FHL3: variants seen among roughly 807,000 people sequenced by gnomAD.
FHL3 encodes the protein four and a half LIM domains 3.
Under a neutral mutation model 34.3 loss-of-function variants are expected in FHL3, and 21 were observed. That is an observed-to-expected ratio of 0.61 (90% confidence interval 0.43 to 0.88). The LOEUF is 0.88. FHL3 is among the 40% of genes least tolerant of loss of function. The probability of loss-of-function intolerance (pLI) is 0.00; values close to 1 mark genes in which losing one functional copy is unlikely to be tolerated. For synonymous variants in FHL3, 137 were observed against 144.6 expected (o/e 0.95, Z 0.38); for missense variants, 333 against 373.7 (o/e 0.89, Z 0.90).
chr1:38,004,232 TGGGTCCCCCA>T (rs1393076618), intron 1 of FHL3, among the ~76,000 whole-genome samples: 2 of 152,052 alleles, frequency 1.3e-5, no homozygotes, highest in African/African-American at 4.8e-5. Context: ...TCATTCACCC[TGGGTCCCCCA>T]GGGCTGAGGC....
chr1:38,004,423 G>T (rs550454205), intron 1 of FHL3, among the ~76,000 whole-genome samples: 2 of 152,146 alleles, frequency 1.3e-5, no homozygotes, highest in African/African-American at 4.8e-5. Flanking sequence ...AATGGTTCAG[G>T]CCCGGGTAAG....
chr1:38,004,407 C>T (rs754645497), intron 1 of FHL3, among the ~76,000 whole-genome samples: 3 of 152,122 alleles, frequency 2.0e-5, no homozygotes, highest in Non-Finnish European at 2.9e-5. Flanking sequence ...CACAGCCTCA[C>T]CTCCCAATGG....
rs765462219 is a variant in FHL3 at position 37,997,559 on chromosome 1, C to G, written c.689G>C (p.Gly230Ala). 6.2e-7 allele frequency: 1 copy of G among 1,613,624 alleles called. No homozygotes were observed. Among genetic ancestry groups the G allele is most frequent in the Non-Finnish European group, 8.5e-7 (1 of 1,179,834 alleles). The change falls in exon 6 of 6, where the codon GGA becomes GCA. Residue 230 changes from glycine (G) to alanine (A), a missense_variant and splice_region_variant. Transcript: ENST00000373016. This position sits in a 1 kb window ranked among gnomAD's most constrained non-coding sequence, Gnocchi z 4.3. ...KCSSCKRPIV[G>A]LGGGKYVSFE... ...GGACACATACTTGCCTCCACCGAGT[C>G]CTGGAGGGAGGCTGGAAGTTAGCTA... is the stretch of plus-strand genomic sequence containing the variant.
intron 3 of FHL3, chr1:37,998,697 T>G: frequency 2.2e-6 from 1 of 460,926 alleles, no homozygotes; most frequent in South Asian, 2.7e-5. Context: ...GCAACAAGCA[T>G]GACAGTCTCA....
At chr1:38,001,277 T>C (rs1439498451) in intron 1 of FHL3, among the ~76,000 whole-genome samples, 2 of 152,196 alleles carry the variant, frequency 1.3e-5, no homozygotes, top group African/African-American at 4.8e-5. Context: ...TGGCCCAACA[T>C]CTGAGGATTG....
intron 1 of FHL3, among the ~76,000 whole-genome samples, chr1:37,999,834 C>T (rs954507410): frequency 6.6e-6 from 1 of 152,150 alleles, no homozygotes; most frequent in Admixed American, 6.5e-5. Flanking sequence ...AGCAGTACTC[C>T]CACCCTCTCC....
At position 37,997,650 on chromosome 1, in the gene FHL3, C is replaced by A. The variant is rs1646548159; in HGVS notation, c.688+34G>T. 6.2e-7 allele frequency: 1 copy of A among 1,613,054 alleles called. No homozygotes were observed. The highest frequency in any genetic ancestry group is 1.1e-5 in the South Asian group (1 of 90,966). On this transcript the variant is annotated intron_variant, in intron 5 of 5. Transcript: ENST00000373016. This position sits in a 1 kb window ranked among gnomAD's most constrained non-coding sequence, Gnocchi z 4.3. Reference sequence around the variant, plus strand: ...ACCACATCCCACTCCCTTGCCTGCACCCTACCCACTCCGTTCTTTGACCCT... The same window carrying A: ...ACCACATCCCACTCCCTTGCCTGCAACCTACCCACTCCGTTCTTTGACCCT...
At chr1:38,001,110 G>A (rs528074404) in intron 1 of FHL3, among the ~76,000 whole-genome samples, 1 of 152,242 alleles carries the variant, frequency 6.6e-6, no homozygotes, top group Non-Finnish European at 1.5e-5. Flanking sequence ...AAGCCTCTGC[G>A]CAATGGGAGA....
chr1:38,001,392 GC>G (rs1646592838), intron 1 of FHL3, among the ~76,000 whole-genome samples: 1 of 152,236 alleles, frequency 6.6e-6, no homozygotes, highest in Non-Finnish European at 1.5e-5. Context: ...CACTGCGGCT[GC>G]CACCTTCTCA....
chr1:37,997,806 G>T lies in FHL3; in HGVS notation c.566C>A (p.Thr189Asn), dbSNP rs751809514. The T allele has an allele frequency of 3.7e-6, 6 of 1,614,104 alleles. No homozygotes were observed. The South Asian group carries it at 5.5e-5, about 15-fold the overall frequency. The change falls in exon 5 of 6, where the codon ACC becomes AAC. Residue 189 changes from threonine to asparagine, a missense_variant. By Grantham distance (65) the Thr-to-Asn change is moderately conservative. Transcript: ENST00000373016. This position sits in a 1 kb window ranked among gnomAD's most constrained non-coding sequence, Gnocchi z 4.3. ...QPWHRECLVCTGCQTPLAGQQ... is the reference protein window; with the variant it reads ...QPWHRECLVCNGCQTPLAGQQ... ...CCCTGCCAGGGGCGTCTGGCATCCGGTACAGACCAGACATTCTCGATGCCA... is the reference window on the plus strand; with the variant it reads ...CCCTGCCAGGGGCGTCTGGCATCCGTTACAGACCAGACATTCTCGATGCCA...
chr1:38,000,304 A>C (rs900099577), intron 1 of FHL3, among the ~76,000 whole-genome samples: 2 of 152,184 alleles, frequency 1.3e-5, no homozygotes, highest in Admixed American at 6.5e-5. Flanking sequence ...AACTGGAGAC[A>C]GACTGGGAGT....
At chr1:37,998,932 C>T (rs780031333) in intron 3 of FHL3, 42 bp downstream of exon 3, 1 of 1,597,292 alleles carries the variant, frequency 6.3e-7, no homozygotes, top group Admixed American at 1.7e-5. Flanking sequence ...AGACCCTACG[C>T]AGATGCCAGT....
intron 1 of FHL3, among the ~76,000 whole-genome samples, chr1:38,002,580 C>T (rs545510751): frequency 6.8e-6 from 1 of 146,234 alleles, no homozygotes; most frequent in Admixed American, 6.8e-5. Context: ...CACTCTGTCA[C>T]CCAGACTGGA....
At chr1:38,003,890 C>G (rs1646618986) in intron 1 of FHL3, among the ~76,000 whole-genome samples, 1 of 152,146 alleles carries the variant, frequency 6.6e-6, no homozygotes, top group African/African-American at 2.4e-5. Context: ...GCTGCTAGCC[C>G]TGTGATTGGA....
Position 37,999,434 on chromosome 1 carries a change from TG to T in FHL3, c.-20-3del. On this transcript the variant is annotated splice_polypyrimidine_tract_variant and splice_region_variant and intron_variant, in intron 1 of 5. Transcript: ENST00000373016. Reference sequence around the variant, plus strand: ...TCATGGTGGCAAGGGGAGAGAACCCTGTTAGGAGCACAAGGTGGAACTGGGG... The same window carrying T: ...TCATGGTGGCAAGGGGAGAGAACCCTTTAGGAGCACAAGGTGGAACTGGGG... The T allele has an allele frequency of 6.2e-7, 1 of 1,613,190 alleles. No homozygotes were observed. Among genetic ancestry groups the T allele is most frequent in the South Asian group, 1.1e-5 (1 of 90,998 alleles).
chr1:38,003,569 C>T (rs1206079009), intron 1 of FHL3, among the ~76,000 whole-genome samples: 1 of 152,214 alleles, frequency 6.6e-6, no homozygotes, highest in Non-Finnish European at 1.5e-5. Context: ...TGCAGGTCCA[C>T]GGATGTAGAC....
At chr1:38,000,135 C>G (rs1225401105) in intron 1 of FHL3, among the ~76,000 whole-genome samples, 1 of 152,234 alleles carries the variant, frequency 6.6e-6, no homozygotes, top group Admixed American at 6.5e-5. Context: ...TAGCTAGACC[C>G]TCTGCCCTCA....
At chr1:38,004,107 G>T (rs1018394228) in intron 1 of FHL3, among the ~76,000 whole-genome samples, 4 of 152,150 alleles carry the variant, frequency 2.6e-5, no homozygotes, top group Admixed American at 2.6e-4. Flanking sequence ...CTCTGCTACC[G>T]GGCACCAACC....
At position 37,999,351 on chromosome 1, in the gene FHL3, T is replaced by C. The variant is rs1271162069; in HGVS notation, c.62A>G (p.Gln21Arg). The change falls in exon 2 of 6, where the codon CAG becomes CGG. Residue 21 changes from glutamine to arginine, a missense_variant. By Grantham distance (43) the Gln-to-Arg change is conservative. Transcript: ENST00000373016. ...NESLYGRKYI[Q>R]TDSGPYCVPC... ...CACACAGTAGGGGCCGCTGTCTGTC[T>C]GGATGTACTTGCGTCCATACAGGGA... is the stretch of plus-strand genomic sequence containing the variant. 1 of 1,614,260 alleles carries C rather than the reference T, an allele frequency of 6.2e-7. No individual in the cohort carries two copies. The highest frequency in any genetic ancestry group is 8.5e-7 in the Non-Finnish European group (1 of 1,180,038).
Sources: gnomAD v4.1 joint callset for allele counts (sites outside exome capture counted in the v4.1 genomes callset) on GRCh38, gnomAD v4.1.1 for gene constraint, Gnocchi (gnomAD v3.1) non-coding constraint, MANE v1.5 for transcripts, NCBI Gene and HGNC (gene_info 2026-07-23, HGNC 2026-07-21) for gene names.